The following FHIT variants were observed in gnomAD, a reference collection of about 807,000 sequenced individuals.
FHIT encodes the protein bis(5'-adenosyl)-triphosphatase.
In FHIT, 19 loss-of-function variants were observed where a neutral mutation model predicts 17.9. The observed-to-expected ratio is 1.06, with a 90% CI of 0.74 to 1.56. The LOEUF (loss-of-function observed/expected upper bound fraction) is 1.56. Ranked by LOEUF, FHIT falls within the 40% of genes most tolerant of loss-of-function variation. The probability of loss-of-function intolerance (pLI) is 0.00; values close to 1 mark genes in which losing one functional copy is unlikely to be tolerated. For missense variants in FHIT, 248 were observed against 189.2 expected (o/e 1.31, Z -1.82); for synonymous variants, 81 against 69.7 (o/e 1.16, Z -0.81).
chr3:61,207,761 A>G (rs2039298551), intron 1 of FHIT, among the ~76,000 whole-genome samples: 1 of 152,100 alleles, frequency 6.6e-6, no homozygotes, highest in African/African-American at 2.4e-5. Context: ...GATCTTTTCA[A>G]AAAACCAGCT....
Position 61,144,665 on chromosome 3 carries a change from CAT to C in FHIT, c.-164+55950_-164+55951del, listed in dbSNP as rs369655755. Among the ~76,000 whole-genome samples the C allele has an allele frequency of 5.8e-3, 887 of 152,272 alleles. 4 individuals carry two copies. The highest frequency in any genetic ancestry group is 0.01 in the South Asian group (49 of 4,826). On this transcript the variant is annotated intron_variant, in intron 2 of 9. Coordinates refer to ENST00000492590, the MANE Select transcript of FHIT (RefSeq NM_002012.4). ...GCACCATCCTACAATCCCACCAAAACATATGAGGGTTTTAATTTCTCCTTATC... is the reference window on the plus strand; with the variant it reads ...GCACCATCCTACAATCCCACCAAAACATGAGGGTTTTAATTTCTCCTTATC...
At chr3:60,493,804 C>G (rs369028363) in intron 5 of FHIT, among the ~76,000 whole-genome samples, 134 of 152,060 alleles carry the variant, frequency 8.8e-4, no homozygotes, top group African/African-American at 3.0e-3. Flanking sequence ...CAAAAATATT[C>G]CAAGGGAAAA....
At chr3:61,148,452 T>A (rs760721549) in intron 2 of FHIT, among the ~76,000 whole-genome samples, 7 of 152,160 alleles carry the variant, frequency 4.6e-5, no homozygotes, top group Admixed American at 2.0e-4. Flanking sequence ...AATGGAAGCA[T>A]ACAGTATGCA....
At chr3:60,929,768 G>A (rs1366991473) in intron 3 of FHIT, among the ~76,000 whole-genome samples, 9 of 152,156 alleles carry the variant, frequency 5.9e-5, no homozygotes, top group Admixed American at 1.3e-4. Flanking sequence ...AATCAATATT[G>A]TGAAAATGGC....
intron 8 of FHIT, among the ~76,000 whole-genome samples, chr3:59,880,809 T>C (rs1371287647): frequency 1.3e-5 from 2 of 152,114 alleles, no homozygotes; most frequent in Non-Finnish European, 2.9e-5. Context: ...GATCAATGAG[T>C]CACCTTCATC....
chr3:60,556,583 A>C (rs1214327193), intron 4 of FHIT, among the ~76,000 whole-genome samples: 1 of 152,358 alleles, frequency 6.6e-6, no homozygotes, highest in East Asian at 1.9e-4. Context: ...AAACCCACAG[A>C]AGTCAAGCAA....
At chr3:60,408,600 C>T (rs1288222065) in intron 5 of FHIT, among the ~76,000 whole-genome samples, 1 of 151,922 alleles carries the variant, frequency 6.6e-6, no homozygotes, top group Non-Finnish European at 1.5e-5. Context: ...TTAGGAGAGA[C>T]AATCAGGGAG....
Position 61,243,294 on chromosome 3 carries a change from A to G in FHIT, c.-213+8007T>C, listed in dbSNP as rs186167637. Among the ~76,000 whole-genome samples, 189 of 152,292 alleles carry G rather than the reference A, an allele frequency of 1.2e-3. 4 individuals are homozygous for G. The highest frequency in any genetic ancestry group is 9.8e-4 in the Admixed American group (15 of 15,298). Reference sequence around the variant, plus strand: ...TTTCTATGAAGGCCTCTGTATGCATATGTAATAAATGATTTCTCCTCTTAA... The same window carrying G: ...TTTCTATGAAGGCCTCTGTATGCATGTGTAATAAATGATTTCTCCTCTTAA... On this transcript the variant is annotated intron_variant, in intron 1 of 9. Transcript: ENST00000492590.
At chr3:60,387,427 G>A (rs1207381713) in intron 5 of FHIT, among the ~76,000 whole-genome samples, 1 of 152,200 alleles carries the variant, frequency 6.6e-6, no homozygotes, top group African/African-American at 2.4e-5. Flanking sequence ...AAATAAATGT[G>A]AGAGGACAGT....
At position 61,096,811 on chromosome 3, in the gene FHIT, A is replaced by C. The variant is rs113409450; in HGVS notation, c.-163-54712T>G. 5.0e-3 allele frequency among the ~76,000 whole-genome samples: 760 copies of C among 152,286 alleles called. 8 individuals carry two copies. The highest frequency in any genetic ancestry group is 0.018 in the African/African-American group (734 of 41,578). On this transcript the variant is annotated intron_variant, in intron 2 of 9. Coordinates refer to ENST00000492590, the MANE Select transcript of FHIT (RefSeq NM_002012.4). Reference sequence around the variant, plus strand: ...GGCCTCAACTGAAGGGGTTGGGAAAAGTGAGCTGGAAAAAAGAGGCCGGGA... The same window carrying C: ...GGCCTCAACTGAAGGGGTTGGGAAACGTGAGCTGGAAAAAAGAGGCCGGGA...
chr3:59,910,195 G>T (rs2107134319), intron 8 of FHIT, among the ~76,000 whole-genome samples: 1 of 152,278 alleles, frequency 6.6e-6, no homozygotes, highest in Admixed American at 6.5e-5. Flanking sequence ...ATGAGCAATG[G>T]TTCATTCTGG....
At chr3:59,761,842 C>T (rs560985508) in intron 8 of FHIT, among the ~76,000 whole-genome samples, 37 of 152,210 alleles carry the variant, frequency 2.4e-4, no homozygotes, top group Admixed American at 9.8e-4. Context: ...ATGACCTGCC[C>T]GCCTCGGCCT....
At chr3:61,232,243 C>T (rs965576266) in intron 1 of FHIT, among the ~76,000 whole-genome samples, 5 of 152,084 alleles carry the variant, frequency 3.3e-5, no homozygotes, top group Non-Finnish European at 7.4e-5. Context: ...AAAAATCATC[C>T]AGACACCATG....
At position 61,218,576 on chromosome 3, in the gene FHIT, T is replaced by C. The variant is rs552514390; in HGVS notation, c.-212-17911A>G. Among the ~76,000 whole-genome samples the C allele has an allele frequency of 5.3e-5, 8 of 152,226 alleles. No homozygotes were observed. The South Asian group carries it at 1.5e-3, about 28-fold the overall frequency. On this transcript the variant is annotated intron_variant, in intron 1 of 9. Coordinates refer to ENST00000492590, the MANE Select transcript of FHIT (RefSeq NM_002012.4). Reference sequence around the variant, plus strand: ...TTTTAAACAGAAAAAAGGCCGAGTATGTATCAAGGTAATGGAGAAGATCTA... The same window carrying C: ...TTTTAAACAGAAAAAAGGCCGAGTACGTATCAAGGTAATGGAGAAGATCTA...
chr3:60,601,450 T>C (rs539653893), intron 4 of FHIT, among the ~76,000 whole-genome samples: 1 of 152,208 alleles, frequency 6.6e-6, no homozygotes, highest in East Asian at 1.9e-4. Context: ...TTTAGAAAAG[T>C]ATGTAAAAAG....
intron 5 of FHIT, among the ~76,000 whole-genome samples, chr3:60,519,347 A>G (rs2035273768): frequency 6.6e-6 from 1 of 152,234 alleles, no homozygotes; most frequent in African/African-American, 2.4e-5. Context: ...GGTTACTGGT[A>G]GACTGCATTA....
intron 5 of FHIT, among the ~76,000 whole-genome samples, chr3:60,265,543 G>A (rs1030042579): frequency 4.0e-5 from 6 of 151,774 alleles, no homozygotes; most frequent in Non-Finnish European, 7.4e-5. Context: ...CACAAGCAAC[G>A]ACAGCCACAA....
intron 5 of FHIT, among the ~76,000 whole-genome samples, chr3:60,173,973 G>A (rs929035712): frequency 7.2e-6 from 1 of 138,610 alleles, no homozygotes; most frequent in African/African-American, 2.7e-5. Context: ...GAGTGCAGTG[G>A]CGCGATCTTG....
intron 5 of FHIT, among the ~76,000 whole-genome samples, chr3:60,274,705 T>C (rs964889330): frequency 6.6e-6 from 1 of 152,188 alleles, no homozygotes; most frequent in Non-Finnish European, 1.5e-5. Flanking sequence ...ATATAGTCTC[T>C]TGGACTCCAC....
Sources: allele counts gnomAD v4.1 joint callset (sites outside exome capture counted in the v4.1 genomes callset), GRCh38; gene constraint gnomAD v4.1.1; transcripts MANE v1.5; gene names NCBI Gene and HGNC (gene_info 2026-07-23, HGNC 2026-07-21).